ST7: variants seen among roughly 807,000 people sequenced by gnomAD.
ST7 encodes the protein suppression of tumorigenicity 7, also known as suppressor of tumorigenicity 7 protein.
Under a neutral mutation model 78.7 loss-of-function variants are expected in ST7, and 28 were observed. That is an observed-to-expected ratio of 0.36 (90% confidence interval 0.26 to 0.49). ST7 has a LOEUF of 0.49. Ranked by LOEUF, ST7 falls within the 20% of genes least tolerant of loss-of-function variation. ST7 has a pLI of 0.99. For missense variants in ST7, 418 were observed against 696.0 expected (o/e 0.60, Z 4.49); for synonymous variants, 247 against 249.6 (o/e 0.99, Z 0.10).
chr7:117,191,153 A>G (rs1809738387), intron 12 of ST7, among the ~76,000 whole-genome samples: 1 of 152,228 alleles, frequency 6.6e-6, no homozygotes, highest in Non-Finnish European at 1.5e-5. Flanking sequence ...TAATAAGGGT[A>G]AATCGATAGA....
intron 1 of ST7, among the ~76,000 whole-genome samples, chr7:117,098,282 T>G (rs902638907): frequency 2.0e-5 from 3 of 151,788 alleles, no homozygotes; most frequent in African/African-American, 7.3e-5. Context: ...AGGCCCATGC[T>G]GTCTCCTTGG....
At chr7:117,120,086 A>C (rs1167422714) in intron 3 of ST7, among the ~76,000 whole-genome samples, 1 of 152,060 alleles carries the variant, frequency 6.6e-6, no homozygotes. Flanking sequence ...GTGCACCACC[A>C]TGCCTGGCTA....
At chr7:117,085,908 G>A (rs1800109164) in intron 1 of ST7, among the ~76,000 whole-genome samples, 1 of 151,978 alleles carries the variant, frequency 6.6e-6, no homozygotes, top group Non-Finnish European at 1.5e-5. Flanking sequence ...ACACGAACTA[G>A]TAATTAAATT....
chr7:116,988,404 G>T (rs1049140934), intron 1 of ST7, among the ~76,000 whole-genome samples: 1 of 152,100 alleles, frequency 6.6e-6, no homozygotes, highest in Admixed American at 6.5e-5. Flanking sequence ...AAACTGGTTC[G>T]CTTGAAGCCA....
At chr7:117,170,536 C>G (rs1232684933) in intron 9 of ST7, among the ~76,000 whole-genome samples, 1 of 152,014 alleles carries the variant, frequency 6.6e-6, no homozygotes, top group East Asian at 1.9e-4. Context: ...CAAAAATTAG[C>G]CGGGCATGGT....
At chr7:117,225,425 C>T (rs1430702451) in intron 15 of ST7, among the ~76,000 whole-genome samples, 1 of 152,086 alleles carries the variant, frequency 6.6e-6, no homozygotes, top group Admixed American at 6.5e-5. Flanking sequence ...TTTATCTTGC[C>T]CTTCATTAAG....
At chr7:117,130,125 T>C (rs1462911166) in intron 4 of ST7, among the ~76,000 whole-genome samples, 2 of 151,936 alleles carry the variant, frequency 1.3e-5, no homozygotes, top group Admixed American at 1.3e-4. Flanking sequence ...GAAGCTTACC[T>C]GGAATATGGT....
At chr7:117,132,679 GAA>G (rs1172540042) in intron 6 of ST7, among the ~76,000 whole-genome samples, 3 of 143,250 alleles carry the variant, frequency 2.1e-5, no homozygotes, top group Non-Finnish European at 4.6e-5. Flanking sequence ...AGATCTTAGG[GAA>G]AAAAAAAAAA....
chr7:117,160,970 T>C (rs1807095024), intron 9 of ST7, among the ~76,000 whole-genome samples: 1 of 152,186 alleles, frequency 6.6e-6, no homozygotes, highest in South Asian at 2.1e-4. Context: ...ACTCCAGCTG[T>C]GGTTCATGTG....
chr7:117,044,137 C>T (rs1797370238), intron 1 of ST7, among the ~76,000 whole-genome samples: 1 of 152,122 alleles, frequency 6.6e-6, no homozygotes, highest in Non-Finnish European at 1.5e-5. Flanking sequence ...TCTTAGATGT[C>T]TTTTTTCTTT....
At chr7:117,119,110 C>T (rs991882347) in intron 2 of ST7, among the ~76,000 whole-genome samples, 1 of 152,092 alleles carries the variant, frequency 6.6e-6, no homozygotes, top group Non-Finnish European at 1.5e-5. Context: ...TCCTGCCCCG[C>T]CCCTACCCCG....
chr7:117,116,529 C>T (rs1802899384), intron 2 of ST7, among the ~76,000 whole-genome samples: 1 of 152,092 alleles, frequency 6.6e-6, no homozygotes, highest in South Asian at 2.1e-4. Context: ...ATGTTAAGAC[C>T]CTACATGAAG....
intron 10 of ST7, among the ~76,000 whole-genome samples, chr7:117,179,934 T>C (rs563539736): frequency 6.6e-6 from 1 of 152,266 alleles, no homozygotes; most frequent in South Asian, 2.1e-4. Flanking sequence ...CGAGGTGACC[T>C]CTGACACTAT....
chr7:116,976,227 A>G (rs1392726640), intron 1 of ST7, among the ~76,000 whole-genome samples: 3 of 152,078 alleles, frequency 2.0e-5, no homozygotes, highest in African/African-American at 2.4e-5. Context: ...TCAGGCCACT[A>G]CACTCCAGCC....
At chr7:117,227,456 T>A (rs1445500146) in intron 15 of ST7, among the ~76,000 whole-genome samples, 1 of 152,250 alleles carries the variant, frequency 6.6e-6, no homozygotes. Context: ...TGTAACACTT[T>A]AACTCCTCTT....
At chr7:117,106,766 G>A (rs530732602) in intron 2 of ST7, among the ~76,000 whole-genome samples, 85 of 151,482 alleles carry the variant, frequency 5.6e-4, no homozygotes, top group Middle Eastern at 3.4e-3. Context: ...GACTACAGGC[G>A]CCCGCCACCA....
intron 3 of ST7, among the ~76,000 whole-genome samples, chr7:117,123,270 A>G (rs1160405236): frequency 1.3e-5 from 2 of 152,174 alleles, no homozygotes; most frequent in African/African-American, 4.8e-5. Context: ...CTTAAGGAAT[A>G]ATTTGTTTTG....
intron 1 of ST7, chr7:117,074,781 A>G (rs376258908): frequency 1.2e-4 from 18 of 152,314 alleles, no homozygotes; most frequent in African/African-American, 4.3e-4. Context: ...GCAAAATTAG[A>G]TGTGATTGGC....
chr7:117,027,877 A>G (rs889350965), intron 1 of ST7, among the ~76,000 whole-genome samples: 3 of 152,206 alleles, frequency 2.0e-5, no homozygotes, highest in South Asian at 2.1e-4. Context: ...GGTACCTAGC[A>G]TATATCAAGT....
Sources: allele counts gnomAD v4.1 joint callset (sites outside exome capture counted in the v4.1 genomes callset), GRCh38; gene constraint gnomAD v4.1.1; transcripts MANE v1.5; gene names NCBI Gene and HGNC (gene_info 2026-07-23, HGNC 2026-07-21).